Variants in BTBD1 observed in about 807,000 individuals in gnomAD.
BTBD1 encodes the protein BTB domain containing 1.
Under a neutral mutation model 48.0 loss-of-function variants are expected in BTBD1, and 34 were observed. The observed-to-expected ratio is 0.71, with a 90% CI of 0.54 to 0.94. The LOEUF (loss-of-function observed/expected upper bound fraction) is 0.94, where lower values mean the gene tolerates loss of function less well. Ranked by LOEUF, BTBD1 falls within the 40% of genes least tolerant of loss-of-function variation. The pLI, the probability that BTBD1 is intolerant of heterozygous loss-of-function variation, is 0.00. For synonymous variants in BTBD1, 261 were observed against 242.1 expected (o/e 1.08, Z -0.72); for missense variants, 543 against 625.6 (o/e 0.87, Z 1.41).
At chr15:83,060,772 G>A (rs954470930) in intron 1 of BTBD1, among the ~76,000 whole-genome samples, 4 of 152,064 alleles carry the variant, frequency 2.6e-5, no homozygotes, top group South Asian at 2.1e-4. Context: ...CAGCCTGGGC[G>A]ACAGAGTGAA....
chr15:83,026,692 T>C (rs1006401872), intron 5 of BTBD1, among the ~76,000 whole-genome samples: 8 of 152,026 alleles, frequency 5.3e-5, no homozygotes, highest in Non-Finnish European at 1.2e-4. Flanking sequence ...CTGGCTAATT[T>C]TGTATTTTTA....
intron 2 of BTBD1, among the ~76,000 whole-genome samples, chr15:83,054,563 CTT>C (rs1178762435): frequency 1.3e-4 from 17 of 130,402 alleles, no homozygotes; most frequent in Admixed American, 1.6e-4. Flanking sequence ...AACATTTTTT[CTT>C]TTTTTTTTTT....
chr15:83,034,435 A>C (rs1265420446), intron 4 of BTBD1, among the ~76,000 whole-genome samples: 1 of 152,072 alleles, frequency 6.6e-6, no homozygotes, highest in Non-Finnish European at 1.5e-5. Flanking sequence ...CCAACATGGC[A>C]AAACCCCATC....
chr15:83,031,544 C>T (rs1005007798), intron 4 of BTBD1, among the ~76,000 whole-genome samples: 3 of 152,086 alleles, frequency 2.0e-5, no homozygotes, highest in South Asian at 2.1e-4. Flanking sequence ...TACCAAACAC[C>T]GCATGTTCTC....
At chr15:83,027,181 C>T (rs571962079) in intron 5 of BTBD1, among the ~76,000 whole-genome samples, 3 of 152,162 alleles carry the variant, frequency 2.0e-5, no homozygotes, top group African/African-American at 7.2e-5. Context: ...GGTGAAACCC[C>T]GTCTCTATTA....
At chr15:83,019,513 G>A (rs74460561) in intron 6 of BTBD1, among the ~76,000 whole-genome samples, 3,373 of 151,184 alleles carry the variant, frequency 0.022, 56 homozygotes, top group Middle Eastern at 0.041. Flanking sequence ...TTTACTCACA[G>A]TATTTATACT....
At chr15:83,063,059 CTTTCCAT>C (rs2033201557) in intron 1 of BTBD1, among the ~76,000 whole-genome samples, 1 of 152,186 alleles carries the variant, frequency 6.6e-6, no homozygotes, top group Non-Finnish European at 1.5e-5. Context: ...CCACTTTCCA[CTTTCCAT>C]AGTTGACATT....
chr15:83,047,969 T>A (rs1219559754), intron 3 of BTBD1, among the ~76,000 whole-genome samples: 1 of 152,110 alleles, frequency 6.6e-6, no homozygotes, highest in Non-Finnish European at 1.5e-5. Flanking sequence ...CTGGCTGCCA[T>A]GTAGAGAATG....
chr15:83,051,904 A>ACACACACACACACACACC (rs61375537), intron 2 of BTBD1, among the ~76,000 whole-genome samples: 2 of 149,882 alleles, frequency 1.3e-5, no homozygotes, highest in Non-Finnish European at 3.0e-5. Context: ...ACACACACAC[A>ACACACACACACACACACC]TCTATCTGGG....
intron 4 of BTBD1, among the ~76,000 whole-genome samples, chr15:83,032,324 A>G: frequency 6.6e-6 from 1 of 151,836 alleles, no homozygotes; most frequent in East Asian, 1.9e-4. Context: ...CTGTCTCCAA[A>G]AAAAAAAAAG....
At chr15:83,051,583 T>C (rs974486160) in intron 2 of BTBD1, among the ~76,000 whole-genome samples, 2 of 151,270 alleles carry the variant, frequency 1.3e-5, no homozygotes, top group Non-Finnish European at 2.9e-5. Flanking sequence ...TGAGCCTGTT[T>C]ACAATAATTT....
chr15:83,061,229 T>A (rs556052060), intron 1 of BTBD1, among the ~76,000 whole-genome samples: 4 of 152,264 alleles, frequency 2.6e-5, no homozygotes, highest in African/African-American at 9.6e-5. Flanking sequence ...TTTAAAACAA[T>A]GGTGAGTATT....
intron 4 of BTBD1, among the ~76,000 whole-genome samples, chr15:83,032,090 A>T (rs1205733699): frequency 6.6e-6 from 1 of 152,170 alleles, no homozygotes; most frequent in Non-Finnish European, 1.5e-5. Context: ...TGGGAGGCCG[A>T]GGCAGGCAGA....
rs139377186 is a variant in BTBD1, at chr15:83,042,460, T to C, written c.665-535A>G. On this transcript the variant is annotated intron_variant, in intron 3 of 7. Coordinates refer to ENST00000261721, the MANE Select transcript of BTBD1 (RefSeq NM_025238.4). ...GTGCAGAGGCACAATCTCGGCTCAA[T>C]GCAACCTCTGCCTCCTAGGTTCAAG... is the stretch of plus-strand genomic sequence containing the variant. Among the ~76,000 whole-genome samples the C allele has an allele frequency of 3.1e-3, 461 of 150,682 alleles. 1 individual carries two copies. The highest frequency in any genetic ancestry group is 0.01 in the East Asian group (52 of 5,176).
intron 4 of BTBD1, among the ~76,000 whole-genome samples, chr15:83,037,843 G>A (rs1400519965): frequency 3.9e-5 from 6 of 152,212 alleles, no homozygotes; most frequent in African/African-American, 1.4e-4. Context: ...AGCGCTTTGG[G>A]AGGCCAAGAC....
intron 4 of BTBD1, among the ~76,000 whole-genome samples, chr15:83,032,737 T>C (rs1406967672): frequency 2.0e-5 from 3 of 151,730 alleles, no homozygotes; most frequent in African/African-American, 4.8e-5. Flanking sequence ...GGGGGAATGG[T>C]AGGAGGGAGG....
At chr15:83,047,219 G>C (rs1184542588) in intron 3 of BTBD1, among the ~76,000 whole-genome samples, 1 of 152,116 alleles carries the variant, frequency 6.6e-6, no homozygotes, top group African/African-American at 2.4e-5. Flanking sequence ...TGTATTACAA[G>C]GAAAATAAAT....
chr15:83,063,389 T>C (rs1240912228), intron 1 of BTBD1, among the ~76,000 whole-genome samples: 3 of 152,204 alleles, frequency 2.0e-5, no homozygotes, highest in Non-Finnish European at 4.4e-5. Context: ...TACTTGGATG[T>C]CTTGGAAGTC....
At chr15:83,051,433 C>T (rs1001653319) in intron 2 of BTBD1, among the ~76,000 whole-genome samples, 1 of 150,986 alleles carries the variant, frequency 6.6e-6, no homozygotes, top group Non-Finnish European at 1.5e-5. Context: ...ACATTAAACA[C>T]ACTGGCTTTA....
Sources: allele counts gnomAD v4.1 joint callset (sites outside exome capture counted in the v4.1 genomes callset), GRCh38; gene constraint gnomAD v4.1.1; transcripts MANE v1.5; gene names NCBI Gene and HGNC (gene_info 2026-07-23, HGNC 2026-07-21).